TMEM255A: variants seen among roughly 807,000 people sequenced by gnomAD.
TMEM255A encodes family with sequence similarity 70, member A.
Under a neutral mutation model 23.5 loss-of-function variants are expected in TMEM255A, and 14 were observed. That is an observed-to-expected ratio of 0.60 (90% CI 0.39 to 0.93). The LOEUF is 0.93. TMEM255A is among the 40% of genes least tolerant of loss of function. The pLI is 0.00. For missense variants in TMEM255A, 233 were observed against 261.7 expected, an observed-to-expected ratio of 0.89 and a Z score of 0.76; for synonymous variants, 104 against 100.3, an observed-to-expected ratio of 1.04 and a Z score of -0.22.
At chrX:120,271,263 G>T (rs1164182347) in intron 7 of TMEM255A, among the ~76,000 whole-genome samples, 2 of 111,775 alleles carry the variant, frequency 1.8e-5, no homozygotes, top group East Asian at 5.6e-4. Context: ...GTTAGTCAGG[G>T]GCAGCTGGGA....
chrX:120,310,992 A>G lies in TMEM255A; in HGVS notation c.58+260T>C, dbSNP rs1372220647. 3.6e-5 allele frequency among the ~76,000 whole-genome samples: 4 copies of G among 109,649 alleles called. No individual in the cohort carries two copies. The Admixed American group carries it at 3.8e-4, about 10-fold the overall frequency. On this transcript the variant is annotated intron_variant, in intron 1 of 8. Coordinates refer to ENST00000371369, the MANE Select transcript of TMEM255A (RefSeq NM_001104544.3). ...CAAGTCTGTAGACACACGCACACAA[A>G]CAGGCACACACCCGCACTCCGGGGC...
intron 2 of TMEM255A, among the ~76,000 whole-genome samples, chrX:120,296,594 G>T (rs2057958531): frequency 1.2e-5 from 1 of 81,112 alleles, no homozygotes; most frequent in Non-Finnish European, 2.3e-5. Flanking sequence ...TGCTATAGGA[G>T]CAGGGAATAA....
At chrX:120,277,216 G>A (rs1325894916) in intron 6 of TMEM255A, among the ~76,000 whole-genome samples, 169 bp from the exon 7 acceptor site, 11 of 111,444 alleles carry the variant, frequency 9.9e-5, no homozygotes, top group African/African-American at 3.6e-4. Context: ...ATAAATCAAA[G>A]TGTGATTGTT....
chrX:120,269,646 C>A (rs782045531), intron 7 of TMEM255A, among the ~76,000 whole-genome samples: 3 of 111,558 alleles, frequency 2.7e-5, no homozygotes, highest in Non-Finnish European at 3.8e-5. Context: ...AGCTACAAAC[C>A]TCAGTCATAA....
At chrX:120,305,584 A>G (rs2058059068) in intron 1 of TMEM255A, among the ~76,000 whole-genome samples, 1 of 110,550 alleles carries the variant, frequency 9.0e-6, no homozygotes, top group Non-Finnish European at 1.9e-5. Context: ...GAGTCTGTCC[A>G]TAAGACCCTG....
chrX:120,256,978 TA>T (rs1355558548), downstream of TMEM255A: 1 of 123,001 alleles, frequency 8.1e-6, no homozygotes, highest in African/African-American at 3.3e-5. Flanking sequence ...ATTTCTCATG[TA>T]TACATCGTTC....
intron 7 of TMEM255A, among the ~76,000 whole-genome samples, chrX:120,268,929 G>A (rs782298876): frequency 9.0e-6 from 1 of 111,628 alleles, no homozygotes; most frequent in Non-Finnish European, 1.9e-5. Flanking sequence ...ACCAGCTAGT[G>A]TTCTTGCTGT....
At chrX:120,307,990 C>T (rs576483626) in intron 1 of TMEM255A, among the ~76,000 whole-genome samples, 163 of 112,046 alleles carry the variant, frequency 1.5e-3, no homozygotes, top group African/African-American at 5.1e-3. Context: ...ACCAGCTTTT[C>T]TCTCATCCGG....
intron 1 of TMEM255A, among the ~76,000 whole-genome samples, chrX:120,308,779 A>T (rs1315008330): frequency 9.0e-6 from 1 of 111,476 alleles, no homozygotes; most frequent in Non-Finnish European, 1.9e-5. Flanking sequence ...CTGGGAGGGG[A>T]TGGGGGGACA....
At chrX:120,280,165 G>T (rs1273824822) in intron 6 of TMEM255A, among the ~76,000 whole-genome samples, 1 of 107,378 alleles carries the variant, frequency 9.3e-6, no homozygotes, top group Non-Finnish European at 1.9e-5. Context: ...GCCATGCCCA[G>T]CTAAATTTTG....
chrX:120,294,580 C>A (rs1433663605), intron 2 of TMEM255A, among the ~76,000 whole-genome samples: 1 of 112,192 alleles, frequency 8.9e-6, no homozygotes, highest in Non-Finnish European at 1.9e-5. Flanking sequence ...AACTTATGTG[C>A]CCAAAAACTA....
Position 120,259,001 on chromosome X carries a change from C to A in TMEM255A, c.*1869G>T, listed in dbSNP as rs1330272136. On this transcript the variant is annotated 3_prime_UTR_variant, in exon 9 of 9. Transcript: ENST00000371369. ...AAGTGTTACAAAATCTATACTGTTT[C>A]AGGTTATTTTGTAAAGTAAGAAAAA... The A allele has an allele frequency of 8.9e-6, 1 of 112,515 alleles. No individual in the cohort carries two copies. The highest frequency in any genetic ancestry group is 3.2e-5 in the African/African-American group (1 of 30,882). The allele number at this position is 112,515 out of a possible 1,213,427, so 9.3% of individuals were successfully genotyped here. A position where few individuals can be genotyped will look rare whatever the true frequency, so the allele number is the denominator to read the frequency against.
intron 4 of TMEM255A, among the ~76,000 whole-genome samples, chrX:120,290,058 A>G (rs1191968743): frequency 2.7e-5 from 3 of 111,629 alleles, no homozygotes; most frequent in African/African-American, 9.8e-5. Context: ...AGGGTATGGG[A>G]TTTCTTTTCA....
At chrX:120,253,055 C>T in the TMEM255A span, among the ~76,000 whole-genome samples, 1 of 112,122 alleles carries the variant, frequency 8.9e-6, no homozygotes, top group Admixed American at 9.4e-5. Context: ...AAAGTCAACT[C>T]TTACCTCTTC....
chrX:120,254,767 AC>A, downstream of TMEM255A: 1 of 1,211,809 alleles, frequency 8.3e-7, no homozygotes, highest in Non-Finnish European at 1.1e-6. Flanking sequence ...GTCAAAGATG[AC>A]CCTGATGAAG....
chrX:120,287,882 T>C (rs1556022164), intron 4 of TMEM255A, among the ~76,000 whole-genome samples: 1 of 111,889 alleles, frequency 8.9e-6, no homozygotes, highest in Non-Finnish European at 1.9e-5. Context: ...ACAGTCGATT[T>C]ACTCTGCTGG....
At chrX:120,304,559 A>T in intron 1 of TMEM255A, 68 bp from the exon 2 acceptor site, 2 of 1,117,107 alleles carry the variant, frequency 1.8e-6, no homozygotes, top group Admixed American at 2.4e-5. Flanking sequence ...AAAGAAAAAA[A>T]CACTAAGAAG....
At chrX:120,296,775 AT>A (rs1476391299) in intron 2 of TMEM255A, among the ~76,000 whole-genome samples, 2,721 of 30,761 alleles carry the variant, frequency 0.088, 463 homozygotes, top group East Asian at 0.11. Context: ...TATTAAATAT[AT>A]TATATATCAT....
intron 7 of TMEM255A, among the ~76,000 whole-genome samples, chrX:120,272,238 G>A (rs1314115500): frequency 9.0e-6 from 1 of 111,488 alleles, no homozygotes; most frequent in Non-Finnish European, 1.9e-5. Flanking sequence ...TTGAGGCAGG[G>A]GGTCCCCAGG....
Sources: gnomAD v4.1 joint callset for allele counts (sites outside exome capture counted in the v4.1 genomes callset) on GRCh38, gnomAD v4.1.1 for gene constraint, MANE v1.5 for transcripts, NCBI Gene and HGNC (gene_info 2026-07-23, HGNC 2026-07-21) for gene names.